HDAC4: variants seen among roughly 807,000 people sequenced by gnomAD.
The protein encoded by HDAC4 is histone deacetylase 4, also known as histone deacetylase A.
Under a neutral mutation model 135.1 loss-of-function variants are expected in HDAC4, and 16 were observed. The ratio of observed to expected loss-of-function variants is 0.12; its 90% CI spans 0.08 to 0.18. HDAC4 has a LOEUF of 0.18. HDAC4 is among the 10% of genes least tolerant of loss of function. The probability of loss-of-function intolerance (pLI) is 1.00; values close to 1 mark genes in which losing one functional copy is unlikely to be tolerated. For missense variants in HDAC4, 1,143 were observed against 1,511.8 expected, an observed-to-expected ratio of 0.76 and a Z score of 4.05; for synonymous variants, 685 against 653.4, an observed-to-expected ratio of 1.05 and a Z score of -0.74.
intron 2 of HDAC4, among the ~76,000 whole-genome samples, chr2:239,252,227 G>A (rs1007842000): frequency 2.0e-5 from 3 of 152,186 alleles, no homozygotes; most frequent in African/African-American, 7.2e-5. Context: ...TCCACTCCCA[G>A]GAGCCTGTGA....
rs912324602 is a variant in HDAC4, at chr2:239,237,091, G to A, written c.23-427C>T. Among the ~76,000 whole-genome samples, 4 of 152,276 alleles carry A rather than the reference G, an allele frequency of 2.6e-5. No homozygotes were observed. The East Asian group carries it at 5.8e-4, about 22-fold the overall frequency. On this transcript the variant is annotated intron_variant, in intron 2 of 26. Coordinates refer to ENST00000543185, the MANE Select transcript of HDAC4 (RefSeq NM_001378414.1). ...ACAGCACAGGGAGCCCTCGGAACCC[G>A]CCAGGTGTGCAGACAGGGAAGGAGG...
intron 2 of HDAC4, among the ~76,000 whole-genome samples, chr2:239,252,756 T>C (rs2048852726): frequency 1.3e-5 from 2 of 152,352 alleles, no homozygotes; most frequent in East Asian, 1.9e-4. Context: ...AAATGCTTCA[T>C]AGCTCTAAGA....
chr2:239,321,216 G>A (rs571587031), intron 2 of HDAC4, among the ~76,000 whole-genome samples: 120 of 152,162 alleles, frequency 7.9e-4, no homozygotes, highest in Admixed American at 1.2e-3. Flanking sequence ...CTGTAATCCC[G>A]GCACTTTGGA....
At chr2:239,369,305 A>G (rs1179752400) in intron 1 of HDAC4, among the ~76,000 whole-genome samples, 1 of 152,156 alleles carries the variant, frequency 6.6e-6, no homozygotes, top group Non-Finnish European at 1.5e-5. Context: ...GACCAAGAGC[A>G]TGTCTACGGT....
intron 1 of HDAC4, among the ~76,000 whole-genome samples, chr2:239,355,164 C>A (rs1480234965): frequency 6.6e-6 from 1 of 152,136 alleles, no homozygotes; most frequent in Non-Finnish European, 1.5e-5. Flanking sequence ...TTATTTTGTT[C>A]AAAACATGAC....
chr2:239,380,794 C>T (rs187728171), intron 1 of HDAC4, among the ~76,000 whole-genome samples: 12 of 152,260 alleles, frequency 7.9e-5, no homozygotes, highest in Non-Finnish European at 2.9e-5. Context: ...GATTCTTTCC[C>T]GCTTTGTCCC....
intron 2 of HDAC4, among the ~76,000 whole-genome samples, chr2:239,268,144 G>C (rs964326726): frequency 1.3e-5 from 2 of 152,144 alleles, no homozygotes; most frequent in Non-Finnish European, 2.9e-5. Flanking sequence ...TCCCATTCTC[G>C]CTGCTGAGCT....
Position 239,352,827 on chromosome 2 carries a change from G to A in HDAC4, c.-128C>T. On this transcript the variant is annotated 5_prime_UTR_variant, in exon 2 of 27. Transcript: ENST00000543185. The surrounding 1 kb of genome is among the most constrained non-coding windows in gnomAD (Gnocchi z 4.4). ...CCGGGACGGTGAGGGCTGGGTCACAGACGTTCAAGCGCCGAGCCTCGCCGG... is the reference window on the plus strand; with the variant it reads ...CCGGGACGGTGAGGGCTGGGTCACAAACGTTCAAGCGCCGAGCCTCGCCGG... 1.0e-6 allele frequency: 1 copy of A among 980,154 alleles called. No homozygotes were observed. The highest frequency in any genetic ancestry group is 1.6e-6 in the Non-Finnish European group (1 of 630,702). The allele number at this position is 980,154 out of a possible 1,614,324, so 60.7% of individuals were successfully genotyped here.
intron 1 of HDAC4, among the ~76,000 whole-genome samples, chr2:239,388,898 T>G (rs1427962975): frequency 6.6e-6 from 1 of 152,198 alleles, no homozygotes; most frequent in Non-Finnish European, 1.5e-5. Context: ...GCCCCGGGTT[T>G]TCCCAGGAAG....
Position 239,080,973 on chromosome 2 carries a change from C to G in HDAC4, c.2750+122G>C, listed in dbSNP as rs555282614. On this transcript the variant is annotated intron_variant, in intron 22 of 26. Coordinates refer to ENST00000543185, the MANE Select transcript of HDAC4 (RefSeq NM_001378414.1). ...TGAACTGAGACAGCTCCTCCGGACC[C>G]CACAGCCCCGTTCAGCCACAGACCA... 5 of 730,402 alleles carry G rather than the reference C, an allele frequency of 6.8e-6. No homozygotes were observed. The African/African-American group carries it at 8.7e-5, about 13-fold the overall frequency. 45.2% of individuals were successfully genotyped at this position (730,402 alleles called of 1,614,324 possible). A position where few individuals can be genotyped will look rare whatever the true frequency, so the allele number is the denominator to read the frequency against.
At chr2:239,065,644 G>T (rs1050052833) in intron 24 of HDAC4, among the ~76,000 whole-genome samples, 2 of 152,330 alleles carry the variant, frequency 1.3e-5, no homozygotes, top group Non-Finnish European at 2.9e-5. Context: ...GTCCCAGAGG[G>T]CACAGGAGGC....
At chr2:239,087,152 G>C (rs1226016593) in intron 19 of HDAC4, among the ~76,000 whole-genome samples, 1 of 152,192 alleles carries the variant, frequency 6.6e-6, no homozygotes, top group Non-Finnish European at 1.5e-5. Flanking sequence ...GTGGCTTGCT[G>C]CGTCAGTACC....
At chr2:239,158,300 CG>C (rs1166063316) in intron 6 of HDAC4, among the ~76,000 whole-genome samples, 1 of 152,170 alleles carries the variant, frequency 6.6e-6, no homozygotes, top group East Asian at 1.9e-4. Context: ...ACCATTTCCG[CG>C]TTCACTTTTT....
intron 2 of HDAC4, among the ~76,000 whole-genome samples, chr2:239,345,824 TACAC>T (rs959391987): frequency 1.5e-5 from 1 of 67,500 alleles, no homozygotes; most frequent in Non-Finnish European, 3.0e-5. Flanking sequence ...TCGTCTAAAA[TACAC>T]ACCCCCGTCT....
At chr2:239,101,908 C>T (rs2037684180) in intron 16 of HDAC4, among the ~76,000 whole-genome samples, 1 of 149,172 alleles carries the variant, frequency 6.7e-6, no homozygotes, top group African/African-American at 2.5e-5. Flanking sequence ...CCCTGGGAGC[C>T]CCCGGCCCCG....
At chr2:239,380,380 T>C (rs1045569503) in intron 1 of HDAC4, among the ~76,000 whole-genome samples, 20 of 152,258 alleles carry the variant, frequency 1.3e-4, no homozygotes, top group Admixed American at 2.0e-4. Flanking sequence ...GTATTCTATA[T>C]TGATAATATA....
intron 2 of HDAC4, among the ~76,000 whole-genome samples, chr2:239,255,331 AAGTC>A (rs2048994037): frequency 6.8e-6 from 1 of 147,366 alleles, no homozygotes; most frequent in Non-Finnish European, 1.5e-5. Flanking sequence ...GTGTGTTTCA[AAGTC>A]ACTGTTTAAA....
At position 239,146,094 on chromosome 2, in the gene HDAC4, G is replaced by A. The variant is rs2041743032; in HGVS notation, c.734-1380C>T. 6.6e-6 allele frequency among the ~76,000 whole-genome samples: 1 copy of A among 152,198 alleles called. No homozygotes were observed. ...TGGATGACGACAGATGACGGATTCAGCCACAAGCCGGCCTCTCCACGGGCT... is the reference window on the plus strand; with the variant it reads ...TGGATGACGACAGATGACGGATTCAACCACAAGCCGGCCTCTCCACGGGCT... On this transcript the variant is annotated intron_variant, in intron 7 of 26. Coordinates refer to ENST00000543185, the MANE Select transcript of HDAC4 (RefSeq NM_001378414.1). The surrounding 1 kb of genome is among the most constrained non-coding windows in gnomAD (Gnocchi z 4.5).
At chr2:239,215,188 G>A (rs1473073658) in intron 3 of HDAC4, among the ~76,000 whole-genome samples, 2 of 152,208 alleles carry the variant, frequency 1.3e-5, no homozygotes, top group African/African-American at 4.8e-5. Flanking sequence ...TGGATGTGAT[G>A]ATGCTGGAGA....
Sources: gnomAD v4.1 joint callset for allele counts (sites outside exome capture counted in the v4.1 genomes callset) on GRCh38, gnomAD v4.1.1 for gene constraint, Gnocchi (gnomAD v3.1) non-coding constraint, MANE v1.5 for transcripts, NCBI Gene and HGNC (gene_info 2026-07-23, HGNC 2026-07-21) for gene names.